The following DISC1 variants were observed in gnomAD, a reference collection of about 807,000 sequenced individuals.
DISC1 encodes disrupted in schizophrenia 1 protein.
In DISC1, 57 loss-of-function variants were observed where a neutral mutation model predicts 84.5. The observed-to-expected ratio is 0.67, with a 90% CI of 0.55 to 0.84. The LOEUF is 0.84. Ranked by LOEUF, DISC1 falls within the 40% of genes least tolerant of loss-of-function variation. The pLI, the probability that DISC1 is intolerant of heterozygous loss-of-function variation, is 0.00. For missense variants in DISC1, 1,000 were observed against 1,057.8 expected, an observed-to-expected ratio of 0.95 and a Z score of 0.76; for synonymous variants, 411 against 415.2, an observed-to-expected ratio of 0.99 and a Z score of 0.12.
At chr1:231,892,169 G>A (rs199827739) in intron 9 of DISC1, among the ~76,000 whole-genome samples, 2 of 152,278 alleles carry the variant, frequency 1.3e-5, no homozygotes, top group South Asian at 2.1e-4. Flanking sequence ...CATAATGTTG[G>A]ATAATGTTAA....
At chr1:231,848,121 T>C (rs770856493) in intron 9 of DISC1, among the ~76,000 whole-genome samples, 1 of 152,114 alleles carries the variant, frequency 6.6e-6, no homozygotes, top group Non-Finnish European at 1.5e-5. Flanking sequence ...ACTTTGATTG[T>C]TTTAACAAGC....
At chr1:231,976,595 G>C (rs542830648) in intron 10 of DISC1, among the ~76,000 whole-genome samples, 2 of 152,146 alleles carry the variant, frequency 1.3e-5, no homozygotes, top group Non-Finnish European at 2.9e-5. Context: ...GGAATCTTTG[G>C]AAGCTGAGAG....
At chr1:231,767,001 C>T (rs2076219420) in intron 4 of DISC1, 139 bp from the exon 5 acceptor site, 2 of 1,153,044 alleles carry the variant, frequency 1.7e-6, no homozygotes, top group South Asian at 1.5e-5. Flanking sequence ...AGGAGCTCAT[C>T]CTAAAAACAG....
intron 9 of DISC1, among the ~76,000 whole-genome samples, chr1:231,893,619 T>C (rs2087432509): frequency 6.6e-6 from 1 of 152,168 alleles, no homozygotes; most frequent in Non-Finnish European, 1.5e-5. Context: ...TGAGTAATTC[T>C]GGGACTGGGC....
intron 4 of DISC1, among the ~76,000 whole-genome samples, chr1:231,762,252 TCTTTATTTTCTTTC>T (rs2075789715): frequency 3.1e-5 from 1 of 32,664 alleles, no homozygotes. Context: ...TCTTTTCTTT[TCTTTATTTTCTTTC>T]CTTTCCTTTC....
intron 6 of DISC1, among the ~76,000 whole-genome samples, chr1:231,790,477 T>C (rs1558550204): frequency 6.6e-6 from 1 of 152,072 alleles, no homozygotes; most frequent in Non-Finnish European, 1.5e-5. Context: ...TCAGATGATC[T>C]TCCCTCCACA....
At chr1:231,955,486 C>CTT (rs200610198) in intron 9 of DISC1, among the ~76,000 whole-genome samples, 8 of 133,314 alleles carry the variant, frequency 6.0e-5, no homozygotes, top group Non-Finnish European at 8.3e-5. Context: ...TCATTCTTGA[C>CTT]TTTTTTTTTT....
intron 9 of DISC1, among the ~76,000 whole-genome samples, chr1:231,937,109 G>T (rs183016216): frequency 6.6e-6 from 1 of 152,234 alleles, no homozygotes; most frequent in East Asian, 1.9e-4. Flanking sequence ...ACTCTAATCT[G>T]CAGTTGAACA....
At chr1:231,891,771 A>G (rs938788283) in intron 9 of DISC1, among the ~76,000 whole-genome samples, 1 of 152,110 alleles carries the variant, frequency 6.6e-6, no homozygotes, top group African/African-American at 2.4e-5. Context: ...TTAAAAAACG[A>G]TATTATACCC....
intron 11 of DISC1, among the ~76,000 whole-genome samples, chr1:232,018,140 G>C (rs1668649576): frequency 6.6e-6 from 1 of 152,130 alleles, no homozygotes; most frequent in Non-Finnish European, 1.5e-5. Context: ...TTTTCCAAAG[G>C]TATTTTCTAT....
Position 231,866,176 on chromosome 1 carries a change from C to G in DISC1, c.1981+47659C>G, listed in dbSNP as rs1314699234. 2.0e-5 allele frequency among the ~76,000 whole-genome samples: 3 copies of G among 152,098 alleles called. No homozygotes were observed. The South Asian group carries it at 6.2e-4, about 32-fold the overall frequency. On this transcript the variant is annotated intron_variant, in intron 9 of 12. Transcript: ENST00000439617. ...GCATGAAGTTCCTGCAAGTCTACCC[C>G]CTGCACGTGCAGAGCAAAAAGAGCT...
chr1:231,773,647 G>A (rs1173208781), intron 6 of DISC1, among the ~76,000 whole-genome samples: 1 of 152,274 alleles, frequency 6.6e-6, no homozygotes, highest in Non-Finnish European at 1.5e-5. Context: ...GCCTCCCAAA[G>A]TGCTGAGATT....
intron 7 of DISC1, among the ~76,000 whole-genome samples, chr1:231,798,017 C>G (rs2078896387): frequency 6.6e-6 from 1 of 151,562 alleles, no homozygotes; most frequent in African/African-American, 2.4e-5. Context: ...CACAAAACAC[C>G]TTTCTCTGTA....
rs991147124 is a variant in DISC1, at chr1:231,720,890, C to G, written c.1117+18866C>G. Reference sequence around the variant, plus strand: ...GCTACCAGTCATCTCACTTTGCATACCTAGTTCTGACATTGACTGCATTAA... The same window carrying G: ...GCTACCAGTCATCTCACTTTGCATAGCTAGTTCTGACATTGACTGCATTAA... On this transcript the variant is annotated intron_variant, in intron 3 of 12. Transcript: ENST00000439617. The G allele has an allele frequency of 2.3e-6, 3 of 1,290,794 alleles. No individual in the cohort carries two copies. In the African/African-American group the frequency reaches 4.6e-5, roughly 20 times the overall value. 80.0% of individuals were successfully genotyped at this position (1,290,794 alleles called of 1,614,324 possible). A position where few individuals can be genotyped will look rare whatever the true frequency, so the allele number is the denominator to read the frequency against.
chr1:231,795,122 C>G, intron 6 of DISC1, 120 bp from the exon 7 acceptor site: 1 of 944,692 alleles, frequency 1.1e-6, no homozygotes, highest in African/African-American at 1.6e-5. Context: ...ATCATCTTTC[C>G]TCCTGCACTT....
intron 1 of DISC1, among the ~76,000 whole-genome samples, chr1:231,639,725 G>T (rs1322642283): frequency 6.6e-6 from 1 of 152,010 alleles, no homozygotes; most frequent in African/African-American, 2.4e-5. Flanking sequence ...TGTAGTGAAG[G>T]TCCAATGTGA....
At chr1:231,668,217 A>T (rs1478406345) in intron 1 of DISC1, among the ~76,000 whole-genome samples, 4 of 151,878 alleles carry the variant, frequency 2.6e-5, no homozygotes, top group Admixed American at 1.3e-4. Context: ...ACTATGATTA[A>T]TTTTTTTTGG....
chr1:231,969,666 T>C (rs113952232), intron 10 of DISC1, among the ~76,000 whole-genome samples: 1 of 151,732 alleles, frequency 6.6e-6, no homozygotes, highest in Non-Finnish European at 1.5e-5. Context: ...TTGTTACATA[T>C]GTATACCAGT....
At chr1:231,739,440 C>T (rs1457204222) in intron 3 of DISC1, among the ~76,000 whole-genome samples, 1 of 152,228 alleles carries the variant, frequency 6.6e-6, no homozygotes, top group Non-Finnish European at 1.5e-5. Context: ...CAGGCCCTGG[C>T]AGGCTCATCA....
Sources: gnomAD v4.1 joint callset for allele counts (sites outside exome capture counted in the v4.1 genomes callset) on GRCh38, gnomAD v4.1.1 for gene constraint, MANE v1.5 for transcripts, NCBI Gene and HGNC (gene_info 2026-07-23, HGNC 2026-07-21) for gene names.